Variants in TBC1D5 observed in about 807,000 individuals in gnomAD.
TBC1D5 encodes the protein TBC1 domain family, member 5.
A neutral mutation model predicts 100.3 loss-of-function variants in TBC1D5; 75 were observed. The observed-to-expected ratio is 0.75, with a 90% CI of 0.62 to 0.91. The LOEUF (loss-of-function observed/expected upper bound fraction) is 0.91, where lower values mean the gene tolerates loss of function less well. TBC1D5 is among the 40% of genes least tolerant of loss of function. TBC1D5 has a pLI of 0.00. For missense variants in TBC1D5, 910 were observed against 942.4 expected (o/e 0.97, Z 0.45); for synonymous variants, 323 against 325.6 (o/e 0.99, Z 0.09).
chr3:17,332,364 G>A (rs1217150312), intron 13 of TBC1D5, among the ~76,000 whole-genome samples: 2 of 152,154 alleles, frequency 1.3e-5, no homozygotes, highest in African/African-American at 2.4e-5. Flanking sequence ...GCAGTTTTTA[G>A]GAGAAAATCA....
intron 1 of TBC1D5, among the ~76,000 whole-genome samples, chr3:17,665,450 G>A (rs1268126885): frequency 6.6e-6 from 1 of 152,164 alleles, no homozygotes; most frequent in African/African-American, 2.4e-5. Flanking sequence ...TATTTCCAAG[G>A]CAAAAACGTA....
At chr3:17,229,457 T>C (rs1256073481) in intron 17 of TBC1D5, among the ~76,000 whole-genome samples, 1 of 152,128 alleles carries the variant, frequency 6.6e-6, no homozygotes, top group African/African-American at 2.4e-5. Flanking sequence ...CATGCAAACA[T>C]GTGTCTTTAG....
At chr3:17,721,867 A>G (rs1167729930) in intron 1 of TBC1D5, among the ~76,000 whole-genome samples, 1 of 151,768 alleles carries the variant, frequency 6.6e-6, no homozygotes. Flanking sequence ...CTGTAATCCC[A>G]GCTACTGGGG....
intron 13 of TBC1D5, among the ~76,000 whole-genome samples, chr3:17,371,281 T>C (rs73156313): frequency 0.09 from 13,699 of 152,198 alleles, 1,420 homozygotes; most frequent in African/African-American, 0.26. Flanking sequence ...GGAAAGAACA[T>C]GAATATTTTA....
At chr3:17,353,571 GTAAC>G (rs1414556148) in intron 13 of TBC1D5, among the ~76,000 whole-genome samples, 1 of 151,980 alleles carries the variant, frequency 6.6e-6, no homozygotes, top group Non-Finnish European at 1.5e-5. Context: ...TATAGACTAA[GTAAC>G]TATCTTGAAA....
chr3:17,703,945 A>G (rs192930744), intron 1 of TBC1D5, among the ~76,000 whole-genome samples: 1,396 of 130,312 alleles, frequency 0.011, 28 homozygotes, highest in African/African-American at 0.038. Context: ...TTTTTTATTG[A>G]TAATTCTTGG....
intron 3 of TBC1D5, among the ~76,000 whole-genome samples, chr3:17,462,890 T>C (rs1011918783): frequency 1.3e-5 from 2 of 152,176 alleles, no homozygotes; most frequent in African/African-American, 4.8e-5. Context: ...CATATTACAT[T>C]ATCAGGAACC....
chr3:17,292,071 A>G, intron 14 of TBC1D5, 70 bp from the exon 15 acceptor site: 1 of 1,337,828 alleles, frequency 7.5e-7, no homozygotes, highest in Non-Finnish European at 1.0e-6. Context: ...AGAATATAAA[A>G]TCTAACAACT....
chr3:17,282,131 C>T (rs569925139), intron 15 of TBC1D5, among the ~76,000 whole-genome samples: 1 of 152,210 alleles, frequency 6.6e-6, no homozygotes, highest in African/African-American at 2.4e-5. Flanking sequence ...CCACACATCA[C>T]CCTTTAAAAA....
chr3:17,402,351 T>C (rs987792530), intron 8 of TBC1D5, among the ~76,000 whole-genome samples: 2 of 152,130 alleles, frequency 1.3e-5, no homozygotes, highest in Non-Finnish European at 2.9e-5. Context: ...CCACCAGAGA[T>C]ACTCACGATT....
At chr3:17,516,078 C>T (rs891146028) in intron 2 of TBC1D5, among the ~76,000 whole-genome samples, 1 of 152,264 alleles carries the variant, frequency 6.6e-6, no homozygotes, top group East Asian at 1.9e-4. Context: ...AAAACATTTC[C>T]ACATTCCTCC....
At chr3:17,461,008 C>T (rs1174933536) in intron 3 of TBC1D5, among the ~76,000 whole-genome samples, 3 of 152,082 alleles carry the variant, frequency 2.0e-5, no homozygotes, top group Non-Finnish European at 4.4e-5. Flanking sequence ...TGTGGTTGAT[C>T]CACAGAACAG....
chr3:17,198,762 G>A (rs2125763001), intron 18 of TBC1D5, among the ~76,000 whole-genome samples: 1 of 152,286 alleles, frequency 6.6e-6, no homozygotes, highest in South Asian at 2.1e-4. Context: ...GAAGACACAG[G>A]TGAGCTTCTA....
intron 15 of TBC1D5, among the ~76,000 whole-genome samples, chr3:17,269,799 T>C (rs558543176): frequency 6.6e-6 from 1 of 151,372 alleles, no homozygotes; most frequent in African/African-American, 2.5e-5. Context: ...TCCAGCTACA[T>C]CTATGTTGCT....
chr3:17,372,032 G>A (rs769891778), intron 13 of TBC1D5, 43 bp downstream of exon 13: 50 of 697,334 alleles, frequency 7.2e-5, no homozygotes, highest in Non-Finnish European at 1.1e-4. Context: ...TGGAGACTCT[G>A]TCTCAAAAAA....
intron 2 of TBC1D5, among the ~76,000 whole-genome samples, chr3:17,592,521 C>T (rs1576897843): frequency 6.6e-6 from 1 of 152,190 alleles, no homozygotes; most frequent in African/African-American, 2.4e-5. Context: ...AAGAAAGAGG[C>T]ACAACACCTA....
exon 19 of TBC1D5, chr3:17,185,151 C>T: frequency 6.2e-7 from 1 of 1,613,684 alleles, no homozygotes; most frequent in Non-Finnish European, 8.5e-7. Context: ...TTGCACATGG[C>T]ATCCAGGTCA....
chr3:17,420,228 T>C (rs2094176136), intron 4 of TBC1D5, among the ~76,000 whole-genome samples: 1 of 151,624 alleles, frequency 6.6e-6, no homozygotes, highest in African/African-American at 2.4e-5. Flanking sequence ...AATAAAGATA[T>C]AGACAAACGT....
intron 1 of TBC1D5, among the ~76,000 whole-genome samples, chr3:17,697,720 AC>A: frequency 6.6e-6 from 1 of 152,252 alleles, no homozygotes; most frequent in South Asian, 2.1e-4. Context: ...CCATCAAGCT[AC>A]CAATGACTTG....
Sources: allele counts gnomAD v4.1 joint callset (sites outside exome capture counted in the v4.1 genomes callset), GRCh38; gene constraint gnomAD v4.1.1; transcripts MANE v1.5; gene names NCBI Gene and HGNC (gene_info 2026-07-23, HGNC 2026-07-21).